ANKIB1: variants seen among roughly 807,000 people sequenced by gnomAD.
ANKIB1 encodes the protein ankyrin repeat and IBR domain-containing protein 1.
ANKIB1 carries 43 observed loss-of-function variants against 122.1 expected under a neutral mutation model. The ratio of observed to expected loss-of-function variants is 0.35; its 90% confidence interval spans 0.28 to 0.45. The LOEUF (loss-of-function observed/expected upper bound fraction) is 0.45. ANKIB1 is among the 20% of genes least tolerant of loss of function. The pLI is 1.00. For synonymous variants in ANKIB1, 390 were observed against 442.0 expected (o/e 0.88, Z 1.48); for missense variants, 992 against 1,329.5 (o/e 0.75, Z 3.95).
At chr7:92,248,588 G>A (rs1277117113) in intron 1 of ANKIB1, among the ~76,000 whole-genome samples, 3 of 152,032 alleles carry the variant, frequency 2.0e-5, no homozygotes, top group Non-Finnish European at 2.9e-5. Context: ...CAGTGCTTTG[G>A]GTAATTTTTC....
At chr7:92,304,643 T>C (rs1802521965) in intron 2 of ANKIB1, among the ~76,000 whole-genome samples, 1 of 152,176 alleles carries the variant, frequency 6.6e-6, no homozygotes, top group African/African-American at 2.4e-5. Context: ...ATAATTTCTT[T>C]CTTAATTAAA....
chr7:92,294,818 C>G, intron 1 of ANKIB1, 71 bp from the exon 2 acceptor site: 3 of 545,512 alleles, frequency 5.5e-6, no homozygotes, highest in Non-Finnish European at 9.2e-6. Flanking sequence ...TTTTAGTGTT[C>G]CTAATTGTGT....
intron 17 of ANKIB1, 37 bp from the exon 18 acceptor site, chr7:92,396,328 A>G (rs1804888000): frequency 1.8e-6 from 2 of 1,132,470 alleles, no homozygotes; most frequent in African/African-American, 1.5e-5. Flanking sequence ...TAAAAATTGC[A>G]TGCTCTCTTG....
At chr7:92,307,724 G>GTTTT (rs201863693) in intron 3 of ANKIB1, 68 bp downstream of exon 3, 9 of 935,540 alleles carry the variant, frequency 9.6e-6, no homozygotes, top group Non-Finnish European at 1.1e-5. Flanking sequence ...TAACTGTCAG[G>GTTTT]TTTTTTTTTT....
intron 1 of ANKIB1, among the ~76,000 whole-genome samples, chr7:92,293,482 A>C (rs1261145068): frequency 6.6e-6 from 1 of 152,020 alleles, no homozygotes; most frequent in African/African-American, 2.4e-5. Flanking sequence ...GTGCCACCAC[A>C]CCCTTCACCT....
At chr7:92,313,506 T>G (rs1393151807) in intron 3 of ANKIB1, among the ~76,000 whole-genome samples, 4 of 152,202 alleles carry the variant, frequency 2.6e-5, no homozygotes, top group Non-Finnish European at 5.9e-5. Flanking sequence ...ATACTTATGA[T>G]CTCATTATTG....
chr7:92,250,511 C>G (rs959069317), intron 1 of ANKIB1, among the ~76,000 whole-genome samples: 1 of 152,168 alleles, frequency 6.6e-6, no homozygotes, highest in Non-Finnish European at 1.5e-5. Flanking sequence ...TGTAACAGAT[C>G]TTCAGGCATG....
intron 5 of ANKIB1, among the ~76,000 whole-genome samples, chr7:92,333,095 C>T (rs1803203868): frequency 6.6e-6 from 1 of 152,170 alleles, no homozygotes; most frequent in African/African-American, 2.4e-5. Context: ...TCTTAAACTT[C>T]TCCCTTTTTC....
intron 1 of ANKIB1, among the ~76,000 whole-genome samples, chr7:92,247,886 T>C (rs367894169): frequency 2.4e-4 from 37 of 152,310 alleles, no homozygotes; most frequent in African/African-American, 8.7e-4. Flanking sequence ...TAATGACTTT[T>C]CCCCCCAACC....
At chr7:92,350,811 C>T (rs769702708) in intron 7 of ANKIB1, 139 bp from the exon 8 acceptor site, 23 of 748,142 alleles carry the variant, frequency 3.1e-5, no homozygotes, top group Non-Finnish European at 4.2e-5. Context: ...GATCTGTGAT[C>T]GTGCCACTGC....
chr7:92,370,439 T>C (rs1231301021), intron 10 of ANKIB1, among the ~76,000 whole-genome samples: 6 of 122,312 alleles, frequency 4.9e-5, no homozygotes, highest in East Asian at 2.4e-4. Context: ...ACCCGGGAGG[T>C]GGAGCTTGCA....
rs138166930 is a variant in ANKIB1 at position 92,300,350 on chromosome 7, T to C, written c.188+5184T>C. On this transcript the variant is annotated intron_variant, in intron 2 of 19. Transcript: ENST00000265742. The stretch of plus-strand genomic sequence containing the variant: ...TTTTACAACTTCTACCAAAAGTCTT[T>C]GGATATTTTCTTTTTTCTTTTCTGG... Among the ~76,000 whole-genome samples the C allele has an allele frequency of 2.3e-3, 353 of 152,314 alleles. 2 individuals are homozygous for C. The highest frequency in any genetic ancestry group is 3.6e-3 in the Non-Finnish European group (245 of 68,008).
At chr7:92,365,620 C>T (rs993648746) in intron 10 of ANKIB1, among the ~76,000 whole-genome samples, 27 of 151,718 alleles carry the variant, frequency 1.8e-4, no homozygotes, top group African/African-American at 6.3e-4. Context: ...ACAAAGATCA[C>T]TCAGGCAGAA....
At chr7:92,391,059 CT>C (rs1562801043) in intron 15 of ANKIB1, 106 bp from the exon 16 acceptor site, 1 of 891,048 alleles carries the variant, frequency 1.1e-6, no homozygotes, top group Admixed American at 3.2e-5. Flanking sequence ...TAACTAGTTT[CT>C]TACTTCAAAA....
intron 9 of ANKIB1, among the ~76,000 whole-genome samples, chr7:92,359,782 G>A (rs1337172016): frequency 6.6e-6 from 1 of 152,132 alleles, no homozygotes; most frequent in Non-Finnish European, 1.5e-5. Flanking sequence ...AGGTCATGCT[G>A]TGTTGCACAG....
At position 92,307,661 on chromosome 7, in the gene ANKIB1, ATTT is replaced by A; in HGVS notation, c.486+17_486+19del. On this transcript the variant is annotated splice_donor_region_variant and intron_variant, in intron 3 of 19. Transcript: ENST00000265742. ...GGGATGAAAGCCTGTGTAGAGGTAAATTTTTTTTTTTTTTAATATTCTGCATTG... is the reference window on the plus strand; with the variant it reads ...GGGATGAAAGCCTGTGTAGAGGTAAATTTTTTTTTTTAATATTCTGCATTG... 8 of 1,190,500 alleles carry A rather than the reference ATTT, an allele frequency of 6.7e-6. No homozygotes were observed. Among genetic ancestry groups the A allele is most frequent in the South Asian group, 1.8e-5 (1 of 56,624 alleles). The allele number at this position is 1,190,500 out of a possible 1,614,324, so 73.7% of individuals were successfully genotyped here.
At chr7:92,345,114 G>T in intron 7 of ANKIB1, 48 bp downstream of exon 7, 2 of 1,309,242 alleles carry the variant, frequency 1.5e-6, no homozygotes, top group Non-Finnish European at 2.2e-6. Flanking sequence ...ATAGCACTCT[G>T]ATTTGTTAAT....
At chr7:92,257,081 T>G (rs1162858141) in intron 1 of ANKIB1, among the ~76,000 whole-genome samples, 1 of 151,530 alleles carries the variant, frequency 6.6e-6, no homozygotes. Flanking sequence ...TTCTAACTAC[T>G]CAGGAGTCTG....
At chr7:92,395,061 A>G (rs1280272731) in intron 17 of ANKIB1, among the ~76,000 whole-genome samples, 1 of 152,198 alleles carries the variant, frequency 6.6e-6, no homozygotes, top group East Asian at 1.9e-4. Flanking sequence ...AGACACCATA[A>G]TGATTCTCTA....
Sources: allele counts gnomAD v4.1 joint callset (sites outside exome capture counted in the v4.1 genomes callset), GRCh38; gene constraint gnomAD v4.1.1; transcripts MANE v1.5; gene names NCBI Gene and HGNC (gene_info 2026-07-23, HGNC 2026-07-21).